Variants in SGPP2 observed in about 807,000 individuals in gnomAD.
SGPP2 encodes the protein sphingosine-1-phosphate phosphatase 2.
A neutral mutation model predicts 33.9 loss-of-function variants in SGPP2; 30 were observed. The ratio of observed to expected loss-of-function variants is 0.89; its 90% CI spans 0.66 to 1.20. The LOEUF (loss-of-function observed/expected upper bound fraction) is 1.20. SGPP2 is among the 50% of genes most tolerant of loss of function. The pLI is 0.00. For missense variants in SGPP2, 458 were observed against 532.1 expected, an observed-to-expected ratio of 0.86 and a Z score of 1.37; for synonymous variants, 233 against 225.0, an observed-to-expected ratio of 1.04 and a Z score of -0.32.
Position 222,560,434 on chromosome 2 carries a change from AC to A in SGPP2, c.*1538del, listed in dbSNP as rs147782820. ...TAGTGTCTCTTGGGAAAACAAGCCA[AC>A]CAAATACAAAACCCATTAAGCCTAC... On this transcript the variant is annotated 3_prime_UTR_variant, in exon 5 of 5. Transcript: ENST00000321276. 5 of 152,380 alleles carry A rather than the reference AC, an allele frequency of 3.3e-5. No homozygotes were observed. The highest frequency in any genetic ancestry group is 4.8e-5 in the African/African-American group (2 of 41,594). The allele number at this position is 152,380 out of a possible 1,614,324, so 9.4% of individuals were successfully genotyped here. A position where few individuals can be genotyped will look rare whatever the true frequency, so the allele number is the denominator to read the frequency against.
At chr2:222,526,043 T>C (rs952781147) in intron 4 of SGPP2, among the ~76,000 whole-genome samples, 1 of 152,166 alleles carries the variant, frequency 6.6e-6, no homozygotes, top group African/African-American at 2.4e-5. Context: ...TACGCTTTCC[T>C]CTTAAAATGC....
At chr2:222,483,202 A>G (rs1018585662) in intron 2 of SGPP2, among the ~76,000 whole-genome samples, 1 of 152,148 alleles carries the variant, frequency 6.6e-6, no homozygotes, top group Non-Finnish European at 1.5e-5. Flanking sequence ...ATGCATATCA[A>G]CTCCATTGCT....
chr2:222,503,165 G>A (rs774981175), intron 2 of SGPP2, among the ~76,000 whole-genome samples: 2 of 152,168 alleles, frequency 1.3e-5, no homozygotes, highest in African/African-American at 4.8e-5. Context: ...TTTAGATTAT[G>A]TAGCCCATTC....
chr2:222,461,314 A>AC (rs1339813799), intron 1 of SGPP2, among the ~76,000 whole-genome samples: 1 of 152,056 alleles, frequency 6.6e-6, no homozygotes, highest in African/African-American at 2.4e-5. Context: ...CCCCAGAGTT[A>AC]CCTAGCATGT....
rs182533009 is a variant in SGPP2 at position 222,497,529 on chromosome 2, G to A, written c.378+22803G>A. On this transcript the variant is annotated intron_variant, in intron 2 of 4. Coordinates refer to ENST00000321276, the MANE Select transcript of SGPP2 (RefSeq NM_152386.4). ...CCCAAAGCACTGGGATTACAGGCAC[G>A]AGCCACCGCACCTAGCAGATCTCTT... Among the ~76,000 whole-genome samples, 530 of 152,274 alleles carry A rather than the reference G, an allele frequency of 3.5e-3. 1 individual carries two copies. Among genetic ancestry groups the A allele is most frequent in the African/African-American group, 6.4e-3 (264 of 41,564 alleles).
intron 4 of SGPP2, among the ~76,000 whole-genome samples, chr2:222,536,897 T>C (rs1698923836): frequency 6.6e-6 from 1 of 152,216 alleles, no homozygotes; most frequent in Admixed American, 6.5e-5. Flanking sequence ...AATGATTTAC[T>C]ATAATTCCTT....
rs562882528 is a variant in SGPP2, at chr2:222,455,108, A to T, written c.220-19460A>T. ...AATTAGGCTGGTCATGGTGGCATAC[A>T]TCTGTAATCCCAGCTACTTGGGAGG... On this transcript the variant is annotated intron_variant, in intron 1 of 4. Coordinates refer to ENST00000321276, the MANE Select transcript of SGPP2 (RefSeq NM_152386.4). Among the ~76,000 whole-genome samples the T allele has an allele frequency of 1.6e-4, 25 of 152,148 alleles. No individual in the cohort carries two copies. In the South Asian group the frequency reaches 4.8e-3, roughly 29 times the overall value.
intron 2 of SGPP2, among the ~76,000 whole-genome samples, chr2:222,508,391 G>A (rs1244585501): frequency 6.6e-6 from 1 of 152,122 alleles, no homozygotes; most frequent in African/African-American, 2.4e-5. Context: ...CTCTACACTG[G>A]CATCATTATT....
intron 4 of SGPP2, among the ~76,000 whole-genome samples, chr2:222,528,141 C>A (rs1220567335): frequency 1.3e-5 from 2 of 152,156 alleles, no homozygotes; most frequent in Non-Finnish European, 2.9e-5. Context: ...TATTCAAACC[C>A]CATGGGAAGC....
At position 222,539,963 on chromosome 2, in the gene SGPP2, A is replaced by G. The variant is rs114103820; in HGVS notation, c.648+14930A>G. Among the ~76,000 whole-genome samples the G allele has an allele frequency of 7.9e-3, 1,197 of 152,272 alleles. 16 individuals are homozygous for G. The highest frequency in any genetic ancestry group is 0.027 in the African/African-American group (1,141 of 41,536). Reference sequence around the variant, plus strand: ...AGTGGGCTTCCTAGGAAAAATGACAATTTACCAACAGAAAAGACAAGAATG... The same window carrying G: ...AGTGGGCTTCCTAGGAAAAATGACAGTTTACCAACAGAAAAGACAAGAATG... On this transcript the variant is annotated intron_variant, in intron 4 of 4. Transcript: ENST00000321276.
At chr2:222,475,376 C>A (rs751555718) in intron 2 of SGPP2, among the ~76,000 whole-genome samples, 2 of 151,442 alleles carry the variant, frequency 1.3e-5, no homozygotes, top group Non-Finnish European at 1.5e-5. Context: ...AAGGGTAGAT[C>A]AAAGTAGGAG....
At chr2:222,533,100 C>A (rs906378466) in intron 4 of SGPP2, among the ~76,000 whole-genome samples, 2 of 151,984 alleles carry the variant, frequency 1.3e-5, no homozygotes, top group Admixed American at 1.3e-4. Context: ...GAAGAATAAA[C>A]CAATTGCATC....
chr2:222,497,109 G>A (rs901437828), intron 2 of SGPP2, among the ~76,000 whole-genome samples: 4 of 152,080 alleles, frequency 2.6e-5, no homozygotes, highest in African/African-American at 9.7e-5. Flanking sequence ...TGGAAAGTTG[G>A]GAAACAAATT....
intron 2 of SGPP2, among the ~76,000 whole-genome samples, chr2:222,487,395 C>T (rs554661737): frequency 5.1e-4 from 77 of 152,266 alleles, no homozygotes; most frequent in African/African-American, 1.8e-3. Context: ...AACAAATTGA[C>T]ATTTCTCTGG....
chr2:222,476,957 A>G lies in SGPP2; in HGVS notation c.378+2231A>G, dbSNP rs1697945974. ...TATATAGGTGTGTATGTATGTATGT[A>G]TAGTGTGTATATGTGTATATATAGG... is the stretch of plus-strand genomic sequence containing the variant. On this transcript the variant is annotated intron_variant, in intron 2 of 4. Coordinates refer to ENST00000321276, the MANE Select transcript of SGPP2 (RefSeq NM_152386.4). This position sits in a 1 kb window ranked among gnomAD's most constrained non-coding sequence, Gnocchi z 4.3. Among the ~76,000 whole-genome samples, 2 of 151,042 alleles carry G rather than the reference A, an allele frequency of 1.3e-5. No individual in the cohort carries two copies. Among genetic ancestry groups the G allele is most frequent in the African/African-American group, 4.9e-5 (2 of 40,850 alleles).
At chr2:222,471,715 C>G (rs1249791699) in intron 1 of SGPP2, among the ~76,000 whole-genome samples, 3 of 152,092 alleles carry the variant, frequency 2.0e-5, no homozygotes, top group Non-Finnish European at 4.4e-5. Context: ...CAAAACAAAA[C>G]AAAAATCCAG....
At chr2:222,436,794 G>T (rs944628933) in intron 1 of SGPP2, among the ~76,000 whole-genome samples, 1 of 152,180 alleles carries the variant, frequency 6.6e-6, no homozygotes, top group Admixed American at 6.5e-5. Context: ...GATAGAAGAG[G>T]TCCAATATAA....
chr2:222,515,674 C>T (rs111439168), intron 2 of SGPP2, among the ~76,000 whole-genome samples: 139 of 152,082 alleles, frequency 9.1e-4, no homozygotes, highest in Non-Finnish European at 1.1e-3. Flanking sequence ...ACGTACTATA[C>T]AATTCACCCA....
At chr2:222,531,285 T>C (rs886899224) in intron 4 of SGPP2, among the ~76,000 whole-genome samples, 1 of 152,124 alleles carries the variant, frequency 6.6e-6, no homozygotes, top group East Asian at 1.9e-4. Flanking sequence ...CAAAGTGCAA[T>C]CAAGGGAAGC....
Sources: gnomAD v4.1 joint callset for allele counts (sites outside exome capture counted in the v4.1 genomes callset) on GRCh38, gnomAD v4.1.1 for gene constraint, Gnocchi (gnomAD v3.1) non-coding constraint, MANE v1.5 for transcripts, NCBI Gene and HGNC (gene_info 2026-07-23, HGNC 2026-07-21) for gene names.